Variants in SGCZ observed in about 807,000 individuals in gnomAD.
SGCZ encodes zeta-sarcoglycan.
SGCZ carries 40 observed loss-of-function variants against 41.3 expected under a neutral mutation model. That is an observed-to-expected ratio of 0.97 (90% CI 0.75 to 1.26). The LOEUF (loss-of-function observed/expected upper bound fraction) is 1.26. Ranked by LOEUF, SGCZ falls within the 50% of genes most tolerant of loss-of-function variation. The probability of loss-of-function intolerance (pLI) is 0.00; values close to 1 mark genes in which losing one functional copy is unlikely to be tolerated. For synonymous variants in SGCZ, 206 were observed against 137.5 expected (o/e 1.50, Z -3.49); for missense variants, 552 against 369.8 (o/e 1.49, Z -4.04).
intron 1 of SGCZ, among the ~76,000 whole-genome samples, chr8:14,730,682 T>C (rs1810209215): frequency 6.6e-6 from 1 of 151,798 alleles, no homozygotes; most frequent in Non-Finnish European, 1.5e-5. Flanking sequence ...ATCTTTATTA[T>C]GTCACCGGGG....
At chr8:15,206,542 T>C (rs1801073829) in intron 1 of SGCZ, among the ~76,000 whole-genome samples, 1 of 149,564 alleles carries the variant, frequency 6.7e-6, no homozygotes, top group South Asian at 2.3e-4. Flanking sequence ...CTCTGCCTCC[T>C]GGGTTCAAGC....
chr8:14,193,539 T>C (rs1486699282), intron 4 of SGCZ, among the ~76,000 whole-genome samples: 1 of 152,122 alleles, frequency 6.6e-6, no homozygotes, highest in African/African-American at 2.4e-5. Context: ...CACTGATTAT[T>C]TCATGTTCTA....
chr8:14,822,875 G>A (rs1227400154), intron 1 of SGCZ, among the ~76,000 whole-genome samples: 6 of 152,026 alleles, frequency 3.9e-5, no homozygotes, highest in South Asian at 4.1e-4. Flanking sequence ...GCAACATTGT[G>A]AAATCCCATC....
At chr8:14,339,568 T>C (rs1211707110) in intron 2 of SGCZ, among the ~76,000 whole-genome samples, 2 of 152,182 alleles carry the variant, frequency 1.3e-5, no homozygotes, top group African/African-American at 2.4e-5. Flanking sequence ...CCTATGAATA[T>C]GTTTGATAAT....
rs188030793 is a variant in SGCZ, at chr8:14,710,624, C to T, written c.40-155698G>A. Among the ~76,000 whole-genome samples the T allele has an allele frequency of 1.3e-3, 198 of 151,550 alleles. 4 individuals carry two copies. The highest frequency in any genetic ancestry group is 4.4e-3 in the African/African-American group (181 of 41,338). ...GCCTTATTTGTGTATTTATTGTTTA[C>T]GAAAAAATGTCTTTCAAATAAGAAT... On this transcript the variant is annotated intron_variant, in intron 1 of 7. Coordinates refer to ENST00000382080, the MANE Select transcript of SGCZ (RefSeq NM_139167.4).
intron 1 of SGCZ, among the ~76,000 whole-genome samples, chr8:14,742,678 G>C (rs1799229381): frequency 6.6e-6 from 1 of 151,992 alleles, no homozygotes; most frequent in African/African-American, 2.4e-5. Flanking sequence ...TAAATTTCCA[G>C]TGTACTTAAG....
intron 1 of SGCZ, among the ~76,000 whole-genome samples, chr8:15,144,675 C>A (rs148249961): frequency 6.6e-6 from 1 of 152,114 alleles, no homozygotes; most frequent in Non-Finnish European, 1.5e-5. Flanking sequence ...ATGCTATTCT[C>A]GAACTCCCGA....
At chr8:14,370,339 A>T (rs1585416194) in intron 2 of SGCZ, among the ~76,000 whole-genome samples, 1 of 152,006 alleles carries the variant, frequency 6.6e-6, no homozygotes, top group East Asian at 1.9e-4. Context: ...AACAGCCTGT[A>T]GTATATTGCT....
chr8:15,194,290 T>C lies in SGCZ; in HGVS notation c.39+43295A>G, dbSNP rs370385356. On this transcript the variant is annotated intron_variant, in intron 1 of 7. Transcript: ENST00000382080. The stretch of plus-strand genomic sequence containing the variant: ...AGTCAGCCCTAATAGTAAAACATTC[T>C]GTAAAAGGTTGTGCCTATGTAAGTT... Among the ~76,000 whole-genome samples, 3 of 152,026 alleles carry C rather than the reference T, an allele frequency of 2.0e-5. No homozygotes were observed. In the East Asian group the frequency reaches 5.8e-4, roughly 30 times the overall value.
intron 1 of SGCZ, among the ~76,000 whole-genome samples, chr8:15,190,782 TA>T (rs1800511014): frequency 6.6e-6 from 1 of 152,042 alleles, no homozygotes; most frequent in Non-Finnish European, 1.5e-5. Context: ...TGCAATTTTG[TA>T]AAAAGTCTTC....
intron 1 of SGCZ, among the ~76,000 whole-genome samples, chr8:14,663,192 C>A (rs1348791559): frequency 1.3e-5 from 2 of 152,106 alleles, no homozygotes; most frequent in Non-Finnish European, 2.9e-5. Flanking sequence ...CATAAGAATT[C>A]TTAAATAGGG....
chr8:14,302,202 T>C (rs1177913845), intron 3 of SGCZ, among the ~76,000 whole-genome samples: 2 of 152,154 alleles, frequency 1.3e-5, no homozygotes, highest in Non-Finnish European at 2.9e-5. Flanking sequence ...TTTAATACAA[T>C]TTTTCCCAAA....
intron 5 of SGCZ, among the ~76,000 whole-genome samples, chr8:14,154,378 C>G (rs765643081): frequency 3.4e-4 from 21 of 62,516 alleles, no homozygotes; most frequent in Non-Finnish European, 6.2e-4. Context: ...CAAAAATAAA[C>G]AAACAGCAAC....
chr8:14,376,865 A>G (rs1196661409), intron 2 of SGCZ, among the ~76,000 whole-genome samples: 1 of 152,222 alleles, frequency 6.6e-6, no homozygotes, highest in African/African-American at 2.4e-5. Flanking sequence ...ATGCAATGCC[A>G]GTTAAATATT....
chr8:14,407,974 G>A (rs1397876997), intron 2 of SGCZ, among the ~76,000 whole-genome samples: 7 of 152,046 alleles, frequency 4.6e-5, no homozygotes, highest in Non-Finnish European at 1.0e-4. Flanking sequence ...TATATCATAC[G>A]GAGAGATAGT....
intron 2 of SGCZ, among the ~76,000 whole-genome samples, chr8:14,498,521 AG>A (rs1183734391): frequency 6.6e-6 from 1 of 152,120 alleles, no homozygotes; most frequent in Non-Finnish European, 1.5e-5. Context: ...TAGAAACAAA[AG>A]AATAACCCAT....
At chr8:14,147,028 AGT>A (rs1314783941) in intron 5 of SGCZ, among the ~76,000 whole-genome samples, 1 of 152,002 alleles carries the variant, frequency 6.6e-6, no homozygotes, top group African/African-American at 2.4e-5. Context: ...TCTTCGTATC[AGT>A]GTTAAGTTCT....
At chr8:15,090,498 C>G (rs1359757265) in intron 1 of SGCZ, among the ~76,000 whole-genome samples, 2 of 152,138 alleles carry the variant, frequency 1.3e-5, no homozygotes, top group African/African-American at 2.4e-5. Context: ...AGGGCTGCAC[C>G]CAGGAGGGAA....
intron 2 of SGCZ, among the ~76,000 whole-genome samples, chr8:14,365,397 C>A (rs1197824912): frequency 6.6e-6 from 1 of 152,030 alleles, no homozygotes; most frequent in Non-Finnish European, 1.5e-5. Context: ...TCCCTCTAAA[C>A]TCAGTCAACT....
Sources: gnomAD v4.1 joint callset for allele counts (sites outside exome capture counted in the v4.1 genomes callset) on GRCh38, gnomAD v4.1.1 for gene constraint, MANE v1.5 for transcripts, NCBI Gene and HGNC (gene_info 2026-07-23, HGNC 2026-07-21) for gene names.